The following CERS6 variants were observed in gnomAD, a reference collection of about 807,000 sequenced individuals.
CERS6 encodes ceramide synthase 6.
A neutral mutation model predicts 56.8 loss-of-function variants in CERS6; 26 were observed. The observed-to-expected ratio is 0.46, with a 90% CI of 0.34 to 0.63. The LOEUF is 0.63. CERS6 is among the 30% of genes least tolerant of loss of function. The pLI, the probability that CERS6 is intolerant of heterozygous loss-of-function variation, is 0.01. For synonymous variants in CERS6, 164 were observed against 173.3 expected, an observed-to-expected ratio of 0.95 and a Z score of 0.42; for missense variants, 415 against 467.5, an observed-to-expected ratio of 0.89 and a Z score of 1.04.
At chr2:168,550,143 CAGT>C (rs1166717947) in intron 2 of CERS6, among the ~76,000 whole-genome samples, 5 of 152,170 alleles carry the variant, frequency 3.3e-5, no homozygotes, top group Non-Finnish European at 5.9e-5. Context: ...CTTCCTCCCT[CAGT>C]CTCTCTCTAC....
At chr2:168,697,764 T>C (rs916883685) in intron 6 of CERS6, among the ~76,000 whole-genome samples, 1 of 152,198 alleles carries the variant, frequency 6.6e-6, no homozygotes, top group Non-Finnish European at 1.5e-5. Flanking sequence ...TGCCATTTTA[T>C]CAGTCCTTCT....
chr2:168,744,139 G>A (rs1422932959), intron 8 of CERS6, among the ~76,000 whole-genome samples: 4 of 150,870 alleles, frequency 2.7e-5, no homozygotes, highest in African/African-American at 4.9e-5. Flanking sequence ...CTGAGTAGCT[G>A]GGACTACAGG....
intron 8 of CERS6, among the ~76,000 whole-genome samples, chr2:168,760,166 T>G (rs181773461): frequency 2.0e-5 from 3 of 152,136 alleles, no homozygotes; most frequent in African/African-American, 7.2e-5. Flanking sequence ...ACAGAACTAA[T>G]AGGAGGTATA....
intron 3 of CERS6, among the ~76,000 whole-genome samples, chr2:168,584,800 A>G (rs6757628): frequency 0.66 from 100,866 of 152,184 alleles, 38,359 homozygotes; most frequent in South Asian, 0.88. Context: ...AAATGGCTGC[A>G]AGAAATTGTG....
intron 3 of CERS6, among the ~76,000 whole-genome samples, chr2:168,564,299 C>T (rs373596629): frequency 1.3e-5 from 2 of 152,096 alleles, no homozygotes; most frequent in Non-Finnish European, 1.5e-5. Context: ...TTTATGCTTC[C>T]GTTTTGTCAT....
intron 4 of CERS6, among the ~76,000 whole-genome samples, chr2:168,651,653 C>T (rs946053365): frequency 6.6e-6 from 1 of 152,138 alleles, no homozygotes; most frequent in Admixed American, 6.5e-5. Flanking sequence ...TTTGAAGCAT[C>T]AGATCTCATG....
At chr2:168,492,188 TTG>T in intron 1 of CERS6, among the ~76,000 whole-genome samples, 1 of 152,178 alleles carries the variant, frequency 6.6e-6, no homozygotes, top group Non-Finnish European at 1.5e-5. Flanking sequence ...CCTTGAGGAA[TTG>T]CCACACTGTC....
At chr2:168,467,847 A>G (rs1693907895) in intron 1 of CERS6, among the ~76,000 whole-genome samples, 1 of 152,214 alleles carries the variant, frequency 6.6e-6, no homozygotes, top group African/African-American at 2.4e-5. Flanking sequence ...GATTTTCTAA[A>G]ATAAAATAAA....
chr2:168,544,507 A>G (rs1272470808), intron 1 of CERS6, among the ~76,000 whole-genome samples: 1 of 152,022 alleles, frequency 6.6e-6, no homozygotes, highest in Non-Finnish European at 1.5e-5. Context: ...CACACAGGAG[A>G]GGGATGCACC....
intron 3 of CERS6, among the ~76,000 whole-genome samples, chr2:168,568,397 A>G (rs951793568): frequency 7.2e-5 from 11 of 152,200 alleles, no homozygotes; most frequent in Admixed American, 6.5e-4. Flanking sequence ...TTGTTGCTTA[A>G]TGTATTTTAA....
chr2:168,592,615 A>T (rs1459609093), intron 3 of CERS6, among the ~76,000 whole-genome samples: 3 of 152,064 alleles, frequency 2.0e-5, no homozygotes, highest in Non-Finnish European at 1.5e-5. Flanking sequence ...GGGGAGGAGC[A>T]ATTTCAGGAA....
intron 4 of CERS6, among the ~76,000 whole-genome samples, chr2:168,682,555 G>T (rs1442842501): frequency 6.6e-6 from 1 of 152,110 alleles, no homozygotes; most frequent in Admixed American, 6.6e-5. Flanking sequence ...ATGCACCCTT[G>T]ACAGTATGCC....
At chr2:168,670,489 A>C (rs1685879775) in intron 4 of CERS6, among the ~76,000 whole-genome samples, 1 of 152,210 alleles carries the variant, frequency 6.6e-6, no homozygotes, top group Non-Finnish European at 1.5e-5. Flanking sequence ...GAAATGGAGA[A>C]AGCAGTGGTG....
intron 8 of CERS6, among the ~76,000 whole-genome samples, chr2:168,739,788 C>G (rs113005564): frequency 0.034 from 5,135 of 151,844 alleles, 281 homozygotes; most frequent in African/African-American, 0.12. Flanking sequence ...CTCTGTCACC[C>G]AGGCTGTAGT....
At chr2:168,633,024 T>C (rs10186450) in intron 4 of CERS6, among the ~76,000 whole-genome samples, 9,540 of 152,248 alleles carry the variant, frequency 0.063, 420 homozygotes, top group Non-Finnish European at 0.093. Context: ...GAATAATTTT[T>C]ATCCACCAGT....
intron 3 of CERS6, among the ~76,000 whole-genome samples, chr2:168,565,037 A>G (rs528578575): frequency 6.6e-6 from 1 of 152,208 alleles, no homozygotes; most frequent in South Asian, 2.1e-4. Flanking sequence ...CCTAATATAT[A>G]CTGCCTTAGC....
intron 4 of CERS6, among the ~76,000 whole-genome samples, chr2:168,676,425 C>G (rs758614456): frequency 7.2e-5 from 11 of 152,056 alleles, no homozygotes; most frequent in Non-Finnish European, 1.5e-4. Flanking sequence ...TATTAAAAAC[C>G]CACATTTGTT....
At chr2:168,578,226 G>A (rs914356081) in intron 3 of CERS6, among the ~76,000 whole-genome samples, 1 of 151,446 alleles carries the variant, frequency 6.6e-6, no homozygotes, top group African/African-American at 2.4e-5. Context: ...GAGAGGGCAA[G>A]TCTCTTATGT....
intron 4 of CERS6, among the ~76,000 whole-genome samples, chr2:168,641,496 G>T (rs914329207): frequency 6.6e-6 from 1 of 152,096 alleles, no homozygotes; most frequent in Non-Finnish European, 1.5e-5. Context: ...CTTCCTCAGG[G>T]TTTGCTAATG....
Sources: allele counts gnomAD v4.1 joint callset (sites outside exome capture counted in the v4.1 genomes callset), GRCh38; gene constraint gnomAD v4.1.1; transcripts MANE v1.5; gene names NCBI Gene and HGNC (gene_info 2026-07-23, HGNC 2026-07-21).